The following LRRC32 variants were observed in gnomAD, a reference collection of about 807,000 sequenced individuals.
LRRC32 encodes leucine rich repeat containing 32.
A neutral mutation model predicts 15.0 loss-of-function variants in LRRC32; 5 were observed. The ratio of observed to expected loss-of-function variants is 0.33; its 90% CI spans 0.17 to 0.70. LRRC32 has a LOEUF of 0.70. LRRC32 is among the 30% of genes least tolerant of loss of function. The pLI is 0.66. For synonymous variants in LRRC32, 391 were observed against 403.9 expected, an observed-to-expected ratio of 0.97 and a Z score of 0.38; for missense variants, 803 against 854.2, an observed-to-expected ratio of 0.94 and a Z score of 0.75.
rs574815554 is a variant in LRRC32, at chr11:76,664,282, G to A, written c.84+1589C>T. ...ATGGTGGGCAGGGCTGCACTGGGAT[G>A]CCCAGATCTCCAGTCCAGTCCAGGA... On this transcript the variant is annotated intron_variant, in intron 2 of 2. Transcript: ENST00000260061. Among the ~76,000 whole-genome samples, 40 of 152,344 alleles carry A rather than the reference G, an allele frequency of 2.6e-4. No individual in the cohort carries two copies. The South Asian group carries it at 8.1e-3, about 31-fold the overall frequency.
Position 76,660,509 on chromosome 11 carries a change from G to T in LRRC32, c.1084C>A (p.Leu362Met). 6.2e-7 allele frequency: 1 copy of T among 1,614,154 alleles called. No homozygotes were observed. ...RTFEARRLGS[L>M]PCLMLLDLSH... ...AAGTCAAGGAGCATCAGGCAGGGCAGGGAGCCTAAGCGCCGGGCCTCAAAG... is the reference window on the plus strand; with the variant it reads ...AAGTCAAGGAGCATCAGGCAGGGCATGGAGCCTAAGCGCCGGGCCTCAAAG... The change falls in exon 3 of 3, where the codon CTG becomes ATG. Residue 362 changes from leucine to methionine, a missense_variant. Physicochemically the swap from Leu to Met is conservative, Grantham distance 15. Coordinates refer to ENST00000260061, the MANE Select transcript of LRRC32 (RefSeq NM_001128922.2).
intron 2 of LRRC32, among the ~76,000 whole-genome samples, chr11:76,665,069 G>A (rs529145912): frequency 1.8e-4 from 27 of 152,342 alleles, no homozygotes; most frequent in Admixed American, 9.1e-4. Flanking sequence ...GTGACTGCCC[G>A]GCCTTACAAG....
chr11:76,661,213 G>T lies in LRRC32; in HGVS notation c.380C>A (p.Thr127Asn). 6.2e-7 allele frequency: 1 copy of T among 1,613,832 alleles called. No homozygotes were observed. The highest frequency in any genetic ancestry group is 1.6e-4 in the Middle Eastern group (1 of 6,062). The change falls in exon 3 of 3, where the codon ACC becomes AAC. Residue 127 changes from threonine (T) to asparagine (N), a missense_variant. Physicochemically the swap from Thr to Asn is moderately conservative, Grantham distance 65. Transcript: ENST00000260061. ...GCTGTTCCCAGACAGGTCCAGGGAGGTCACGCGTGGCAGGGGGCCCAGGCC... is the reference window on the plus strand; with the variant it reads ...GCTGTTCCCAGACAGGTCCAGGGAGTTCACGCGTGGCAGGGGGCCCAGGCC... ...AGGLGPLPRV[T>N]SLDLSGNSLY... is the part of the protein sequence containing the mutation.
At chr11:76,669,896 G>C (rs970821886) in intron 1 of LRRC32, 1 of 152,382 alleles carries the variant, frequency 6.6e-6, no homozygotes, top group Non-Finnish European at 1.5e-5. Flanking sequence ...ACACGCAGGA[G>C]CAGGGCAGAC....
chr11:76,668,023 T>A (rs1370266798), intron 1 of LRRC32, among the ~76,000 whole-genome samples: 3 of 152,146 alleles, frequency 2.0e-5, no homozygotes, highest in Admixed American at 2.0e-4. Flanking sequence ...CACCAAGCCC[T>A]CCGTGGCTAC....
intron 2 of LRRC32, among the ~76,000 whole-genome samples, chr11:76,664,847 G>T (rs760915329): frequency 1.3e-5 from 2 of 152,220 alleles, no homozygotes; most frequent in Non-Finnish European, 1.5e-5. Flanking sequence ...GCAATTCTGG[G>T]CTCCGGGAAT....
rs765161972 is a variant in LRRC32, at chr11:76,661,251, C to T, written c.342G>A (p.Ala114=). 47 of 1,613,798 alleles carry T rather than the reference C, an allele frequency of 2.9e-5. No homozygotes were observed. Among genetic ancestry groups the T allele is most frequent in the East Asian group, 1.8e-4 (8 of 44,900 alleles). The stretch of plus-strand genomic sequence containing the variant: ...GGGGGCCCAGGCCACCAGCACTCAG[C>T]GCAGTGGCCATCGCCAGCCGGTTGT... ...LAHNRLAMAT[A]LSAGGLGPLP... Residue 114 remains alanine (A), a synonymous_variant, in exon 3 of 3, where the codon GCG becomes GCA. Transcript: ENST00000260061.
chr11:76,660,177 G>A lies in LRRC32; in HGVS notation c.1416C>T (p.Asp472=). The part of the protein sequence containing the change: ...AFLHTPLTEL[D]LSSNPGLEVA... ...CCTCCAGCCCAGGATTGGAAGAAAG[G>A]TCCAGCTCAGTCAGTGGGGTGTGGA... Residue 472 remains aspartate (D), a synonymous_variant, in exon 3 of 3, where the codon GAC becomes GAT. Transcript: ENST00000260061. 6.3e-7 allele frequency: 1 copy of A among 1,593,818 alleles called. No individual in the cohort carries two copies. Among genetic ancestry groups the A allele is most frequent in the Admixed American group, 1.8e-5 (1 of 56,352 alleles).
rs144384094 is a variant in LRRC32, at chr11:76,660,272, C to T, written c.1321G>A (p.Gly441Ser). The T allele has an allele frequency of 7.4e-5, 116 of 1,577,586 alleles. No individual in the cohort carries two copies. Among genetic ancestry groups the T allele is most frequent in the South Asian group, 3.4e-4 (29 of 84,468 alleles). ...CTCAGGCTGCGGAGGGAGGTGATGC[C>T]GGAGAAGGCCACACAGCCGGAGGGG... Reference protein sequence around the residue: ...PGPSGCVAFSGITSLRSLSLV... With the variant: ...PGPSGCVAFSSITSLRSLSLV... Residue 441 changes from glycine to serine, a missense_variant, in exon 3 of 3, where the codon GGC (glycine) becomes AGC (serine). By Grantham distance (56) the Gly-to-Ser change is moderately conservative (BLOSUM62 0). Transcript: ENST00000260061.
chr11:76,662,405 TTTACCA>T (rs1482361595), intron 2 of LRRC32, among the ~76,000 whole-genome samples: 1 of 152,126 alleles, frequency 6.6e-6, no homozygotes, highest in African/African-American at 2.4e-5. Flanking sequence ...CCCATTGGTC[TTTACCA>T]CAGCCTGCCC....
At position 76,659,683 on chromosome 11, in the gene LRRC32, A is replaced by G. The variant is rs1444126850; in HGVS notation, c.1910T>C (p.Val637Ala). The G allele has an allele frequency of 6.2e-7, 1 of 1,614,218 alleles. No individual in the cohort carries two copies. The highest frequency in any genetic ancestry group is 8.5e-7 in the Non-Finnish European group (1 of 1,180,030). ...CAGCGTGGTGAGGAGGATGGCAGAGACCAGTATGAAGGTGAGGATGATGAT... is the reference window on the plus strand; with the variant it reads ...CAGCGTGGTGAGGAGGATGGCAGAGGCCAGTATGAAGGTGAGGATGATGAT... ...NLIIILTFIL[V>A]SAILLTTLAA... is the part of the protein sequence containing the mutation. Residue 637 changes from valine to alanine, a missense_variant, in exon 3 of 3, where the codon GTC (valine) becomes GCC (alanine). Transcript: ENST00000260061.
chr11:76,664,600 G>C (rs1952593610), intron 2 of LRRC32, among the ~76,000 whole-genome samples: 1 of 152,174 alleles, frequency 6.6e-6, no homozygotes, highest in East Asian at 1.9e-4. Flanking sequence ...AAGGCAGCTG[G>C]GTTCGAATCC....
rs1418563435 is a variant in LRRC32, at chr11:76,657,669, G to A, written c.*1935C>T. 1 of 152,816 alleles carries A rather than the reference G, an allele frequency of 6.5e-6. No homozygotes were observed. Among genetic ancestry groups the A allele is most frequent in the African/African-American group, 2.4e-5 (1 of 41,466 alleles). 9.5% of individuals were successfully genotyped at this position (152,816 alleles called of 1,614,324 possible). Reference sequence around the variant, plus strand: ...ATCAGGCGTGGGGACCCACACCTTGGCCTCCAGGCCTAAGGAGGAGTGTTA... The same window carrying A: ...ATCAGGCGTGGGGACCCACACCTTGACCTCCAGGCCTAAGGAGGAGTGTTA... On this transcript the variant is annotated 3_prime_UTR_variant, in exon 3 of 3. Transcript: ENST00000260061.
chr11:76,664,562 GAGAGGCACCAGGC>G (rs1952592835), intron 2 of LRRC32, among the ~76,000 whole-genome samples: 1 of 152,192 alleles, frequency 6.6e-6, no homozygotes, highest in African/African-American at 2.4e-5. Context: ...GCAGAGTAGG[GAGAGGCACCAGGC>G]AGTGAACAGT....
At chr11:76,669,432 G>A (rs193213558) in intron 1 of LRRC32, among the ~76,000 whole-genome samples, 4 of 151,590 alleles carry the variant, frequency 2.6e-5, no homozygotes, top group Admixed American at 2.6e-4. Flanking sequence ...GGTACGGGGG[G>A]CAATGACTAC....
At chr11:76,667,690 T>C (rs1952647808) in intron 1 of LRRC32, among the ~76,000 whole-genome samples, 1 of 152,256 alleles carries the variant, frequency 6.6e-6, no homozygotes, top group Admixed American at 6.5e-5. Flanking sequence ...AAAGTTAGCA[T>C]ATTCAGAACT....
intron 1 of LRRC32, among the ~76,000 whole-genome samples, chr11:76,669,345 A>G (rs984808286): frequency 2.4e-5 from 3 of 123,546 alleles, no homozygotes; most frequent in South Asian, 3.0e-4. Context: ...GTGCCAAAGA[A>G]TGTGTGTGTG....
rs374795985 is a variant in LRRC32, at chr11:76,665,881, G to A, written c.74C>T (p.Pro25Leu). The stretch of plus-strand genomic sequence containing the variant: ...GGCAGAGCATCTTACCATCTTACAG[G>A]GCACTTTGTCTTGGTGTTGTGCAGC... ...GLAAQHQDKV[P>L]CKMVDKKVSC... The change falls in exon 2 of 3, where the codon CCC (proline) becomes CTC (leucine). Residue 25 changes from proline to leucine, a missense_variant. By Grantham distance (98) the Pro-to-Leu change is moderately conservative (BLOSUM62 -3). Coordinates refer to ENST00000260061, the MANE Select transcript of LRRC32 (RefSeq NM_001128922.2). 9.9e-6 allele frequency: 16 copies of A among 1,613,930 alleles called. No homozygotes were observed. The African/African-American group carries it at 1.5e-4, about 15-fold the overall frequency.
intron 1 of LRRC32, among the ~76,000 whole-genome samples, chr11:76,668,123 C>A (rs961615185): frequency 6.6e-6 from 1 of 151,930 alleles, no homozygotes; most frequent in African/African-American, 2.4e-5. Context: ...AGGTCAGCAG[C>A]GGACAGAAAA....
Sources: allele counts gnomAD v4.1 joint callset (sites outside exome capture counted in the v4.1 genomes callset), GRCh38; gene constraint gnomAD v4.1.1; transcripts MANE v1.5; gene names NCBI Gene and HGNC (gene_info 2026-07-23, HGNC 2026-07-21).